The following CAV1 variants were observed in gnomAD, a reference collection of about 807,000 sequenced individuals.
CAV1 encodes the protein caveolin-1.
A neutral mutation model predicts 16.5 loss-of-function variants in CAV1; 10 were observed. The ratio of observed to expected loss-of-function variants is 0.61; its 90% CI spans 0.37 to 1.03. The LOEUF (loss-of-function observed/expected upper bound fraction) is 1.03. Ranked by LOEUF, CAV1 falls within the 50% of genes least tolerant of loss-of-function variation. The pLI is 0.01. For missense variants in CAV1, 212 were observed against 232.8 expected (o/e 0.91, Z 0.58); for synonymous variants, 76 against 85.1 (o/e 0.89, Z 0.59).
intron 2 of CAV1, among the ~76,000 whole-genome samples, chr7:116,540,271 A>G (rs539394028): frequency 6.6e-6 from 1 of 152,322 alleles, no homozygotes; most frequent in Admixed American, 6.5e-5. Context: ...AATGACTCTG[A>G]AAGAGTCAGA....
At chr7:116,551,233 C>G (rs1794156720) in intron 2 of CAV1, among the ~76,000 whole-genome samples, 1 of 152,164 alleles carries the variant, frequency 6.6e-6, no homozygotes, top group Non-Finnish European at 1.5e-5. Context: ...CTGAGAACCC[C>G]TGAGAAATGA....
chr7:116,546,533 T>TAAA (rs536587642), intron 2 of CAV1, among the ~76,000 whole-genome samples: 1 of 138,252 alleles, frequency 7.2e-6, no homozygotes, highest in South Asian at 2.3e-4. Context: ...CTACTAAAAA[T>TAAA]AAAAAAAAAA....
intron 2 of CAV1, among the ~76,000 whole-genome samples, chr7:116,537,626 A>G (rs1793851404): frequency 6.6e-6 from 1 of 152,204 alleles, no homozygotes; most frequent in Admixed American, 6.5e-5. Flanking sequence ...GTAATAAGTC[A>G]TGATCCCAGA....
intron 2 of CAV1, among the ~76,000 whole-genome samples, chr7:116,545,639 A>G (rs1364346940): frequency 1.3e-5 from 2 of 152,214 alleles, no homozygotes; most frequent in African/African-American, 4.8e-5. Flanking sequence ...GTAGGAAACA[A>G]CCTCTACCGT....
intron 2 of CAV1, among the ~76,000 whole-genome samples, chr7:116,553,111 AGG>A (rs1463146095): frequency 2.6e-5 from 4 of 152,222 alleles, no homozygotes; most frequent in Admixed American, 2.0e-4. Context: ...AATGTACTTA[AGG>A]TTTCCTTCTT....
intron 2 of CAV1, among the ~76,000 whole-genome samples, chr7:116,536,404 T>C (rs1793817602): frequency 1.3e-5 from 2 of 152,144 alleles, no homozygotes; most frequent in African/African-American, 4.8e-5. Context: ...GAAACAGACA[T>C]GTAAACAAAC....
chr7:116,555,576 GAAAGAAAGAAAGAAAGAAAGAAAGAAA>G (rs1794270643), intron 2 of CAV1, among the ~76,000 whole-genome samples: 1 of 63,942 alleles, frequency 1.6e-5, no homozygotes, highest in Admixed American at 2.0e-4. Flanking sequence ...AAGAAAGAAA[GAAAGAAAGAAAGAAAGAAAGAAAGAAA>G]GAGAAAGAAA....
chr7:116,543,711 T>G (rs1793984168), intron 2 of CAV1, among the ~76,000 whole-genome samples: 1 of 152,238 alleles, frequency 6.6e-6, no homozygotes, highest in Admixed American at 6.5e-5. Flanking sequence ...GCAACTTTAG[T>G]TAGAGCAGTG....
chr7:116,540,941 G>A (rs898625656), intron 2 of CAV1, among the ~76,000 whole-genome samples: 2 of 152,050 alleles, frequency 1.3e-5, no homozygotes, highest in African/African-American at 4.8e-5. Flanking sequence ...AGTTCCAAGG[G>A]GCCAAGGTCT....
At chr7:116,527,252 C>T (rs1222757265) in intron 2 of CAV1, among the ~76,000 whole-genome samples, 1 of 152,200 alleles carries the variant, frequency 6.6e-6, no homozygotes, top group Non-Finnish European at 1.5e-5. Context: ...TATTCATATA[C>T]ATATGAAAGT....
intron 2 of CAV1, among the ~76,000 whole-genome samples, chr7:116,536,238 T>A (rs553286484): frequency 6.6e-6 from 1 of 152,256 alleles, no homozygotes; most frequent in Admixed American, 6.5e-5. Flanking sequence ...TGCTCCATTA[T>A]GGACTGGGCT....
intron 2 of CAV1, among the ~76,000 whole-genome samples, chr7:116,557,427 ATTTCAAAC>A (rs1794312989): frequency 6.6e-6 from 1 of 152,090 alleles, no homozygotes; most frequent in African/African-American, 2.4e-5. Flanking sequence ...ACTTGTTGGG[ATTTCAAAC>A]TGCATTAAAT....
intron 2 of CAV1, among the ~76,000 whole-genome samples, chr7:116,555,381 G>A (rs1584784694): frequency 6.6e-6 from 1 of 150,478 alleles, no homozygotes; most frequent in Admixed American, 6.7e-5. Flanking sequence ...CAAGGCTGCA[G>A]TGGGCAGTGA....
At chr7:116,528,244 A>G (rs1261886884) in intron 2 of CAV1, among the ~76,000 whole-genome samples, 7 of 152,168 alleles carry the variant, frequency 4.6e-5, no homozygotes, top group African/African-American at 1.7e-4. Flanking sequence ...CAGAGAGGCC[A>G]ACAGTGTGGA....
intron 2 of CAV1, among the ~76,000 whole-genome samples, chr7:116,548,884 T>C (rs1794104652): frequency 6.6e-6 from 1 of 152,210 alleles, no homozygotes; most frequent in Non-Finnish European, 1.5e-5. Context: ...GTTATTGCTA[T>C]TCCAAGGCCC....
intron 2 of CAV1, among the ~76,000 whole-genome samples, chr7:116,540,034 G>C (rs1377448875): frequency 6.6e-6 from 1 of 152,144 alleles, no homozygotes; most frequent in African/African-American, 2.4e-5. Flanking sequence ...CCCAACCCTG[G>C]ACAAGGCCAC....
At chr7:116,555,771 C>A (rs140981315) in intron 2 of CAV1, among the ~76,000 whole-genome samples, 53 of 151,624 alleles carry the variant, frequency 3.5e-4, no homozygotes, top group Middle Eastern at 3.4e-3. Context: ...TGCTCTGCAC[C>A]CAAGCTAAGT....
intron 2 of CAV1, among the ~76,000 whole-genome samples, chr7:116,528,856 G>T (rs1244094897): frequency 6.6e-6 from 1 of 151,754 alleles, no homozygotes; most frequent in Non-Finnish European, 1.5e-5. Context: ...TTGAGACGGA[G>T]TCTCACTCTG....
intron 2 of CAV1, among the ~76,000 whole-genome samples, chr7:116,541,312 G>A (rs1367010974): frequency 6.6e-6 from 1 of 152,082 alleles, no homozygotes; most frequent in African/African-American, 2.4e-5. Context: ...TATTGGAAGG[G>A]TTGGAAGGAA....
Sources: allele counts gnomAD v4.1 joint callset (sites outside exome capture counted in the v4.1 genomes callset), GRCh38; gene constraint gnomAD v4.1.1; transcripts MANE v1.5; gene names NCBI Gene and HGNC (gene_info 2026-07-23, HGNC 2026-07-21).